Variants in SPMIP7 observed in about 807,000 individuals in gnomAD.
SPMIP7 encodes the protein protein SPMIP7.
chr7:50,147,616 G>A, the SPMIP7 span, among the ~76,000 whole-genome samples: 2 of 152,104 alleles, frequency 1.3e-5, no homozygotes, highest in East Asian at 3.8e-4. Flanking sequence ...TATATTCTAC[G>A]TATAACATGG....
the SPMIP7 span, among the ~76,000 whole-genome samples, chr7:50,098,091 G>A: frequency 5.5e-4 from 83 of 151,876 alleles, no homozygotes; most frequent in Non-Finnish European, 4.7e-4. Context: ...CTAAATACAC[G>A]TTATTTCTAA....
the SPMIP7 span, among the ~76,000 whole-genome samples, chr7:50,112,227 A>T: frequency 6.6e-6 from 1 of 152,176 alleles, no homozygotes; most frequent in Non-Finnish European, 1.5e-5. Context: ...AGTGTTAAAG[A>T]GAAGATGGTT....
chr7:50,111,137 T>C, the SPMIP7 span, among the ~76,000 whole-genome samples: 6 of 149,162 alleles, frequency 4.0e-5, no homozygotes, highest in South Asian at 1.3e-3. Context: ...GTTATATATG[T>C]ATTGAAATGG....
At chr7:50,113,795 T>G in the SPMIP7 span, among the ~76,000 whole-genome samples, 1 of 151,998 alleles carries the variant, frequency 6.6e-6, no homozygotes, top group Non-Finnish European at 1.5e-5. Context: ...CTGATCAAAA[T>G]TATAAATCTG....
the SPMIP7 span, among the ~76,000 whole-genome samples, chr7:50,106,507 C>T: frequency 1.3e-5 from 2 of 152,162 alleles, no homozygotes; most frequent in Non-Finnish European, 2.9e-5. Context: ...TCCTAGACTG[C>T]TCTCATTTCC....
the SPMIP7 span, among the ~76,000 whole-genome samples, chr7:50,116,818 T>C: frequency 7.9e-5 from 12 of 152,194 alleles, no homozygotes; most frequent in African/African-American, 2.4e-4. Flanking sequence ...AAAAATTCAA[T>C]ATCCTTTTAT....
chr7:50,134,255 A>G, the SPMIP7 span: 2 of 1,521,430 alleles, frequency 1.3e-6, no homozygotes, highest in Non-Finnish European at 1.8e-6. Context: ...AGGTCAGCAG[A>G]CTTCTCTGAA....
chr7:50,106,067 A>T, the SPMIP7 span, among the ~76,000 whole-genome samples: 1 of 152,240 alleles, frequency 6.6e-6, no homozygotes, highest in African/African-American at 2.4e-5. Context: ...TTTTTATAGC[A>T]GTGAATAAAT....
chr7:50,097,815 A>T, the SPMIP7 span, among the ~76,000 whole-genome samples: 1 of 152,196 alleles, frequency 6.6e-6, no homozygotes. Context: ...GTTTCTTCAT[A>T]CATAAATTAG....
chr7:50,099,296 T>C, the SPMIP7 span, among the ~76,000 whole-genome samples: 1 of 152,220 alleles, frequency 6.6e-6, no homozygotes, highest in South Asian at 2.1e-4. Context: ...CTACTATTAT[T>C]GTATTGTTGT....
chr7:50,138,580 T>C, the SPMIP7 span, among the ~76,000 whole-genome samples: 1 of 152,226 alleles, frequency 6.6e-6, no homozygotes, highest in Non-Finnish European at 1.5e-5. Flanking sequence ...TATATTTAAC[T>C]TTATATTTAC....
the SPMIP7 span, chr7:50,096,784 CAAAG>C: frequency 1.5e-6 from 1 of 678,222 alleles, no homozygotes; most frequent in Non-Finnish European, 2.3e-6. Flanking sequence ...TTATAAGAAA[CAAAG>C]GAATGATAAA....
chr7:50,110,574 T>G, the SPMIP7 span, among the ~76,000 whole-genome samples: 1 of 142,948 alleles, frequency 7.0e-6, no homozygotes, highest in Non-Finnish European at 1.5e-5. Context: ...TATATAATAT[T>G]TACTACATTT....
At chr7:50,137,673 T>G in the SPMIP7 span, among the ~76,000 whole-genome samples, 2 of 152,160 alleles carry the variant, frequency 1.3e-5, no homozygotes, top group South Asian at 2.1e-4. Flanking sequence ...AGCCAGTGTT[T>G]AGAATTTTCA....
chr7:50,157,964 C>T, the SPMIP7 span, among the ~76,000 whole-genome samples: 1 of 152,340 alleles, frequency 6.6e-6, no homozygotes, highest in East Asian at 1.9e-4. Context: ...ACTGGGTATA[C>T]AAGCAAAGTA....
the SPMIP7 span, among the ~76,000 whole-genome samples, chr7:50,149,942 A>G: frequency 6.6e-6 from 1 of 152,122 alleles, no homozygotes; most frequent in African/African-American, 2.4e-5. Flanking sequence ...GGCTGAGGCT[A>G]GAAGGCTCCA....
chr7:50,100,604 AG>A, the SPMIP7 span, among the ~76,000 whole-genome samples: 1 of 152,068 alleles, frequency 6.6e-6, no homozygotes, highest in Admixed American at 6.6e-5. Flanking sequence ...TGAGGTCAGG[AG>A]ATCGAGACCA....
the SPMIP7 span, among the ~76,000 whole-genome samples, chr7:50,127,322 G>A: frequency 6.6e-6 from 1 of 151,806 alleles, no homozygotes; most frequent in Non-Finnish European, 1.5e-5. Context: ...AAGTCATGAG[G>A]AAATGATCTA....
the SPMIP7 span, among the ~76,000 whole-genome samples, chr7:50,100,624 A>G: frequency 6.6e-6 from 1 of 152,214 alleles, no homozygotes; most frequent in African/African-American, 2.4e-5. Context: ...CATTCAGGCT[A>G]ATATAGTGAA....
Sources: allele counts gnomAD v4.1 joint callset (sites outside exome capture counted in the v4.1 genomes callset), GRCh38; gene constraint gnomAD v4.1.1; transcripts MANE v1.5; gene names NCBI Gene and HGNC (gene_info 2026-07-23, HGNC 2026-07-21).